SLC8A1: variants seen among roughly 807,000 people sequenced by gnomAD.
The protein encoded by SLC8A1 is sodium/calcium exchanger 1.
Under a neutral mutation model 68.3 loss-of-function variants are expected in SLC8A1, and 18 were observed. The observed-to-expected ratio is 0.26, with a 90% CI of 0.18 to 0.39. The LOEUF is 0.39. Among genes scored for constraint, SLC8A1 ranks in the 10% least tolerant of loss-of-function variants. The pLI is 1.00. For synonymous variants in SLC8A1, 475 were observed against 415.5 expected, an observed-to-expected ratio of 1.14 and a Z score of -1.74; for missense variants, 985 against 1,156.7, an observed-to-expected ratio of 0.85 and a Z score of 2.15.
intron 2 of SLC8A1, among the ~76,000 whole-genome samples, chr2:40,415,135 C>T (rs1049919574): frequency 1.3e-5 from 2 of 152,066 alleles, no homozygotes; most frequent in Non-Finnish European, 2.9e-5. Flanking sequence ...TAGAAGTGCA[C>T]CAACTATTTC....
chr2:40,142,153 G>A (rs1000556120), intron 6 of SLC8A1, among the ~76,000 whole-genome samples: 1 of 151,956 alleles, frequency 6.6e-6, no homozygotes, highest in South Asian at 2.1e-4. Context: ...ACTCTTTTTT[G>A]TTTGTTTCCT....
At chr2:40,399,701 T>C (rs58903807) in intron 2 of SLC8A1, among the ~76,000 whole-genome samples, 2,517 of 152,080 alleles carry the variant, frequency 0.017, 63 homozygotes, top group African/African-American at 0.057. Context: ...CCAAGGACAT[T>C]TGGGGGAAAA....
At chr2:40,404,997 C>A (rs189588171) in intron 2 of SLC8A1, among the ~76,000 whole-genome samples, 1 of 152,078 alleles carries the variant, frequency 6.6e-6, no homozygotes, top group Non-Finnish European at 1.5e-5. Flanking sequence ...TATAATCCCA[C>A]GAAAATTCTG....
chr2:40,149,802 G>A (rs1239283583), intron 6 of SLC8A1, among the ~76,000 whole-genome samples: 1 of 152,144 alleles, frequency 6.6e-6, no homozygotes, highest in Non-Finnish European at 1.5e-5. Flanking sequence ...TGCTGCTAAG[G>A]TGTTGGTCAG....
At chr2:40,480,787 T>C (rs1256960619) in intron 1 of SLC8A1, among the ~76,000 whole-genome samples, 1 of 152,118 alleles carries the variant, frequency 6.6e-6, no homozygotes, top group Non-Finnish European at 1.5e-5. Context: ...ATGAGCTCAC[T>C]AATCTGCTAC....
intron 6 of SLC8A1, among the ~76,000 whole-genome samples, chr2:40,157,249 G>A (rs534099945): frequency 3.9e-5 from 6 of 152,174 alleles, no homozygotes; most frequent in East Asian, 1.9e-4. Flanking sequence ...AAATGCATAC[G>A]GTTTAAATTA....
intron 2 of SLC8A1, among the ~76,000 whole-genome samples, chr2:40,287,582 A>G (rs906061802): frequency 8.6e-5 from 11 of 127,570 alleles, no homozygotes; most frequent in South Asian, 5.9e-4. Context: ...CAGAGGAATG[A>G]TGTGTGTGTG....
rs533832327 is a variant in SLC8A1 at position 40,420,234 on chromosome 2, C to G, written c.1808+8239G>C. On this transcript the variant is annotated intron_variant, in intron 2 of 7. Transcript: ENST00000406785. ...TAGGAAAGTCTCCTAATAAATAATT[C>G]TTACTATTAACCACCTCCAGGGTCA... Among the ~76,000 whole-genome samples, 5 of 152,126 alleles carry G rather than the reference C, an allele frequency of 3.3e-5. No homozygotes were observed. In the East Asian group the frequency reaches 9.7e-4, roughly 29 times the overall value.
At chr2:40,399,516 G>T (rs1229053977) in intron 2 of SLC8A1, among the ~76,000 whole-genome samples, 2 of 152,104 alleles carry the variant, frequency 1.3e-5, no homozygotes, top group Non-Finnish European at 2.9e-5. Context: ...GTCTGGAATG[G>T]TCTCGTCTCT....
chr2:40,406,215 G>A (rs1304826343), intron 2 of SLC8A1, among the ~76,000 whole-genome samples: 1 of 152,136 alleles, frequency 6.6e-6, no homozygotes, highest in African/African-American at 2.4e-5. Context: ...CAAAGATTAT[G>A]CAAAATATGA....
chr2:40,144,852 T>C (rs1211822321), intron 6 of SLC8A1, among the ~76,000 whole-genome samples: 1 of 152,222 alleles, frequency 6.6e-6, no homozygotes, highest in Admixed American at 6.5e-5. Flanking sequence ...TTATAAGATA[T>C]ATTTAGATAG....
intron 1 of SLC8A1, among the ~76,000 whole-genome samples, chr2:40,470,050 GT>G (rs1202148843): frequency 6.6e-6 from 1 of 150,650 alleles, no homozygotes; most frequent in Non-Finnish European, 1.5e-5. Flanking sequence ...CTAAAGTTCA[GT>G]TTCAACATTG....
At chr2:40,388,476 T>A (rs1389341933) in intron 2 of SLC8A1, among the ~76,000 whole-genome samples, 1 of 152,150 alleles carries the variant, frequency 6.6e-6, no homozygotes, top group Non-Finnish European at 1.5e-5. Context: ...ACTTCAAGCT[T>A]CTAAACCATG....
chr2:40,370,397 C>T (rs1372421984), intron 2 of SLC8A1, among the ~76,000 whole-genome samples: 1 of 152,094 alleles, frequency 6.6e-6, no homozygotes, highest in Non-Finnish European at 1.5e-5. Context: ...CAAAGGCTCT[C>T]TGGTGCCTCT....
intron 7 of SLC8A1, among the ~76,000 whole-genome samples, chr2:40,132,819 G>A (rs2039662330): frequency 6.6e-6 from 1 of 152,136 alleles, no homozygotes; most frequent in Admixed American, 6.5e-5. Context: ...CATAACCTAA[G>A]TAAGATAATA....
At chr2:40,338,514 A>G (rs1358607411) in intron 2 of SLC8A1, among the ~76,000 whole-genome samples, 1 of 152,180 alleles carries the variant, frequency 6.6e-6, no homozygotes, top group East Asian at 1.9e-4. Flanking sequence ...CTCCTGGCCC[A>G]CAAACCATGG....
exon 8 of SLC8A1, chr2:40,110,271 G>T (rs1005098662): frequency 6.6e-6 from 1 of 152,160 alleles, no homozygotes; most frequent in African/African-American, 2.4e-5. Flanking sequence ...TATTTCAATT[G>T]TTTACCCTTC....
intron 1 of SLC8A1, among the ~76,000 whole-genome samples, chr2:40,451,381 G>A (rs867539918): frequency 1.7e-4 from 26 of 152,110 alleles, no homozygotes; most frequent in Non-Finnish European, 3.4e-4. Context: ...TCCGCAGTCC[G>A]TGGTGAATGA....
intron 2 of SLC8A1, among the ~76,000 whole-genome samples, chr2:40,223,344 C>T (rs1158355320): frequency 6.6e-6 from 1 of 152,048 alleles, no homozygotes; most frequent in Non-Finnish European, 1.5e-5. Flanking sequence ...GGGAGGGGAA[C>T]ATCACACACC....
Sources: gnomAD v4.1 joint callset for allele counts (sites outside exome capture counted in the v4.1 genomes callset) on GRCh38, gnomAD v4.1.1 for gene constraint, MANE v1.5 for transcripts, NCBI Gene and HGNC (gene_info 2026-07-23, HGNC 2026-07-21) for gene names.